DNAH14: variants seen among roughly 807,000 people sequenced by gnomAD.
DNAH14 encodes axonemal beta dynein heavy chain 14.
In DNAH14, 478 loss-of-function variants were observed where a neutral mutation model predicts 520.9. The observed-to-expected ratio is 0.92, with a 90% CI of 0.85 to 0.99. The LOEUF (loss-of-function observed/expected upper bound fraction) is 0.99. Among genes scored for constraint, DNAH14 ranks in the 50% least tolerant of loss-of-function variants. The pLI is 0.00. For synonymous variants in DNAH14, 1,581 were observed against 1,757.2 expected, an observed-to-expected ratio of 0.90 and a Z score of 2.51; for missense variants, 4,831 against 5,234.5, an observed-to-expected ratio of 0.92 and a Z score of 2.38.
Position 225,048,346 on chromosome 1 carries a change from C to T in DNAH14, c.1913-1864C>T, listed in dbSNP as rs558459500. 2.6e-5 allele frequency among the ~76,000 whole-genome samples: 4 copies of T among 151,692 alleles called. No individual in the cohort carries two copies. The East Asian group carries it at 7.8e-4, about 29-fold the overall frequency. On this transcript the variant is annotated intron_variant, in intron 15 of 85. Transcript: ENST00000682510. ...TGAAACCCTGTCTCTACAAAATATA[C>T]AAAAAATTAGCCAGGCATTGTGGCA... is the stretch of plus-strand genomic sequence containing the variant.
In DNAH14 at chr1:225,129,871, G is replaced by C. The variant is rs1454477314; in HGVS notation, c.4254+6257G>C. On this transcript the variant is annotated intron_variant, in intron 27 of 85. Transcript: ENST00000682510. ...CACAGCAAAAGAAACTACCATCAGAGTGAATAGGCAATCCACAAAATGGGA... is the reference window on the plus strand; with the variant it reads ...CACAGCAAAAGAAACTACCATCAGACTGAATAGGCAATCCACAAAATGGGA... Among the ~76,000 whole-genome samples the C allele has an allele frequency of 5.9e-5, 9 of 152,282 alleles. No homozygotes were observed. The East Asian group carries it at 1.4e-3, about 23-fold the overall frequency.
chr1:225,214,895 G>T (rs1008648010), intron 41 of DNAH14, among the ~76,000 whole-genome samples: 2 of 152,034 alleles, frequency 1.3e-5, no homozygotes, highest in African/African-American at 4.8e-5. Context: ...GGTTTTTTGT[G>T]TCTCTATCTC....
At chr1:225,036,931 G>A (rs2067019594) in intron 11 of DNAH14, among the ~76,000 whole-genome samples, 1 of 152,010 alleles carries the variant, frequency 6.6e-6, no homozygotes, top group Non-Finnish European at 1.5e-5. Flanking sequence ...ATATTTACAA[G>A]TGTTCTATCC....
intron 32 of DNAH14, 147 bp downstream of exon 32, chr1:225,152,220 A>G: frequency 4.6e-6 from 3 of 659,022 alleles, no homozygotes; most frequent in Admixed American, 5.9e-5. Context: ...AACACCATTT[A>G]TGAACAGCTG....
chr1:224,938,695 T>C (rs1247056109), intron 1 of DNAH14, among the ~76,000 whole-genome samples: 1 of 152,230 alleles, frequency 6.6e-6, no homozygotes, highest in Non-Finnish European at 1.5e-5. Flanking sequence ...ACTGATTATA[T>C]ATCCAAAAGA....
At chr1:225,270,238 C>T (rs537100736) in intron 49 of DNAH14, among the ~76,000 whole-genome samples, 4 of 144,806 alleles carry the variant, frequency 2.8e-5, no homozygotes, top group African/African-American at 5.3e-5. Flanking sequence ...AACCAAACAC[C>T]GCATGTTCTC....
chr1:225,147,772 T>C (rs2080091466), intron 31 of DNAH14, among the ~76,000 whole-genome samples: 1 of 152,186 alleles, frequency 6.6e-6, no homozygotes, highest in Admixed American at 6.5e-5. Context: ...ATTTTTCTGA[T>C]TGTCTCCCTC....
In DNAH14 at chr1:225,344,691, T is replaced by TTTTATTTATTTACTTA. The variant is rs1393199108; in HGVS notation, c.10679-1259_10679-1258insCTTATTTATTTATTTA. 2.0e-3 allele frequency among the ~76,000 whole-genome samples: 282 copies of TTTTATTTATTTACTTA among 143,146 alleles called. 3 individuals are homozygous for TTTTATTTATTTACTTA. In the East Asian group the frequency reaches 0.029, roughly 15 times the overall value. 93.9% of individuals were successfully genotyped at this position (143,146 alleles called of 152,430 possible). On this transcript the variant is annotated intron_variant, in intron 69 of 85. Transcript: ENST00000682510. ...TGTGAATAGTGAAAACTAGCCATTCTTTTATTTATTTATTTATTTATTTAT... is the reference window on the plus strand; with the variant it reads ...TGTGAATAGTGAAAACTAGCCATTCTTTTATTTATTTACTTATTTATTTATTTATTTATTTATTTAT...
intron 41 of DNAH14, among the ~76,000 whole-genome samples, chr1:225,221,149 T>C (rs557896301): frequency 2.6e-5 from 4 of 152,176 alleles, no homozygotes; most frequent in East Asian, 1.9e-4. Context: ...TATACAAAAA[T>C]TAACTCAAGA....
chr1:225,123,638 A>T (rs547646972), intron 27 of DNAH14, 24 bp downstream of exon 27: 1 of 376,136 alleles, frequency 2.7e-6, no homozygotes, highest in South Asian at 2.4e-5. Flanking sequence ...GCTTTGATGT[A>T]TGTATACAGG....
chr1:225,276,974 GAA>G lies in DNAH14; in HGVS notation c.8179-435_8179-434del, dbSNP rs1491379443. ...GGAAGGAAGGAAGGAAGGAAGGAAGGAAGGAAGGAAGGGAGGGAGGAAGGAAG... is the reference window on the plus strand; with the variant it reads ...GGAAGGAAGGAAGGAAGGAAGGAAGGGGAAGGAAGGGAGGGAGGAAGGAAG... On this transcript the variant is annotated intron_variant, in intron 53 of 85. Transcript: ENST00000682510. 1.3e-3 allele frequency among the ~76,000 whole-genome samples: 76 copies of G among 57,406 alleles called. 1 individual carries two copies. The highest frequency in any genetic ancestry group is 8.0e-3 in the South Asian group (8 of 998). The allele number at this position is 57,406 out of a possible 152,430, so 37.7% of individuals were successfully genotyped here. A position where few individuals can be genotyped will look rare whatever the true frequency, so the allele number is the denominator to read the frequency against.
At position 225,206,009 on chromosome 1, in the gene DNAH14, G is replaced by A; in HGVS notation, c.6016G>A (p.Asp2006Asn). 1 of 1,551,586 alleles carries A rather than the reference G, an allele frequency of 6.4e-7. No individual in the cohort carries two copies. The highest frequency in any genetic ancestry group is 8.7e-7 in the Non-Finnish European group (1 of 1,146,838). The part of the protein sequence containing the change: ...WQWIILDGPV[D>N]TFWVENLNSV... ...GTGGATTATCCTAGATGGCCCAGTG[G>A]ACACCTTTTGGGTAGAAAATCTGAA... The change falls in exon 40 of 86, where the codon GAC becomes AAC. Residue 2006 changes from aspartate to asparagine, a missense_variant. Transcript: ENST00000682510.
intron 1 of DNAH14, among the ~76,000 whole-genome samples, chr1:224,949,981 T>G (rs2060072071): frequency 6.6e-6 from 1 of 152,162 alleles, no homozygotes; most frequent in Admixed American, 6.5e-5. Context: ...CTTCTGTTAT[T>G]TTATCAGCCT....
intron 8 of DNAH14, among the ~76,000 whole-genome samples, chr1:224,986,701 C>T (rs548988000): frequency 6.6e-6 from 1 of 152,270 alleles, no homozygotes; most frequent in Non-Finnish European, 1.5e-5. Context: ...CCATGTATGA[C>T]AGATTCACAG....
chr1:224,989,220 A>G (rs2062862297), intron 8 of DNAH14, among the ~76,000 whole-genome samples: 1 of 152,180 alleles, frequency 6.6e-6, no homozygotes, highest in South Asian at 2.1e-4. Context: ...CACCCAAAAT[A>G]ATGTTTAAAT....
intron 17 of DNAH14, among the ~76,000 whole-genome samples, chr1:225,061,967 T>C (rs537552978): frequency 1.3e-5 from 2 of 152,180 alleles, no homozygotes; most frequent in Admixed American, 6.5e-5. Context: ...AAGACTGGAC[T>C]TAACCTCCTT....
intron 7 of DNAH14, 43 bp from the exon 8 acceptor site, chr1:224,974,048 G>T (rs532921958): frequency 6.3e-6 from 8 of 1,262,506 alleles, no homozygotes; most frequent in Non-Finnish European, 8.5e-6. Flanking sequence ...ATATAAATAC[G>T]TGGTTTATGG....
chr1:225,013,276 G>C (rs1332970639), intron 10 of DNAH14, among the ~76,000 whole-genome samples: 1 of 152,004 alleles, frequency 6.6e-6, no homozygotes, highest in Admixed American at 6.6e-5. Flanking sequence ...GCCCCTGTTT[G>C]CCTGGGTATC....
intron 8 of DNAH14, among the ~76,000 whole-genome samples, chr1:224,975,579 T>G (rs1233674929): frequency 6.6e-6 from 1 of 151,664 alleles, no homozygotes. Context: ...GATATCCCCT[T>G]TATCATTTTT....
Sources: gnomAD v4.1 joint callset for allele counts (sites outside exome capture counted in the v4.1 genomes callset) on GRCh38, gnomAD v4.1.1 for gene constraint, MANE v1.5 for transcripts, NCBI Gene and HGNC (gene_info 2026-07-23, HGNC 2026-07-21) for gene names.